Variants in MACF1 observed in about 807,000 individuals in gnomAD.
The protein encoded by MACF1 is microtubule actin crosslinking factor 1, also known as microtubule-actin cross-linking factor 1.
MACF1 carries 193 observed loss-of-function variants against 854.8 expected under a neutral mutation model. That is an observed-to-expected ratio of 0.23 (90% CI 0.20 to 0.25). The LOEUF (loss-of-function observed/expected upper bound fraction) is 0.25. Ranked by LOEUF, MACF1 falls within the 10% of genes least tolerant of loss-of-function variation. The pLI is 1.00. For synonymous variants in MACF1, 3,185 were observed against 3,226.7 expected (o/e 0.99, Z 0.44); for missense variants, 7,722 against 8,929.1 (o/e 0.86, Z 5.45).
At chr1:39,228,092 C>G (rs1425241698) in intron 1 of MACF1, among the ~76,000 whole-genome samples, 2 of 152,138 alleles carry the variant, frequency 1.3e-5, no homozygotes, top group Non-Finnish European at 2.9e-5. Flanking sequence ...GGGTGGATCA[C>G]CTGAGGTCAG....
chr1:39,231,078 G>A (rs984593057), intron 1 of MACF1, 104 bp from the exon 2 acceptor site: 21 of 852,700 alleles, frequency 2.5e-5, no homozygotes, highest in Non-Finnish European at 3.6e-5. Context: ...ACAGTTATGT[G>A]GGTAAGTTGT....
chr1:39,238,744 G>C (rs1041154728), intron 2 of MACF1, among the ~76,000 whole-genome samples: 2 of 152,106 alleles, frequency 1.3e-5, no homozygotes, highest in African/African-American at 2.4e-5. Flanking sequence ...TTAAATCCTT[G>C]GTGATTTTTC....
At position 39,382,015 on chromosome 1, in the gene MACF1, G is replaced by A. The variant is rs962997865; in HGVS notation, c.13711G>A (p.Ala4571Thr). 2 of 1,614,018 alleles carry A rather than the reference G, an allele frequency of 1.2e-6. No individual in the cohort carries two copies. The highest frequency in any genetic ancestry group is 2.7e-5 in the African/African-American group (2 of 74,912). Reference sequence around the variant, plus strand: ...TCGGCAAAGGCAGCTAGAGGAATCTGCAAGTCATCTGGCCTGCTTCCAGGC... The same window carrying A: ...TCGGCAAAGGCAGCTAGAGGAATCTACAAGTCATCTGGCCTGCTTCCAGGC... Reference protein sequence around the residue: ...VARQRQLEESASHLACFQAAE... With the variant: ...VARQRQLEESTSHLACFQAAE... The change falls in exon 56 of 101, where the codon GCA becomes ACA. Residue 4571 changes from alanine (A) to threonine (T), a missense_variant. By Grantham distance (58) the Ala-to-Thr change is moderately conservative. Around this residue, in one of 15 missense-constraint regions of MACF1, gnomAD observed 2,807 missense variants for 3,235.8 expected, o/e 0.87. Coordinates refer to ENST00000564288, the MANE Select transcript of MACF1 (RefSeq NM_001394062.1).
chr1:39,458,180 A>T (rs928178681), intron 89 of MACF1, 190 bp from the exon 90 acceptor site: 2 of 555,204 alleles, frequency 3.6e-6, no homozygotes, highest in South Asian at 5.3e-5. Context: ...TGGAAATCAC[A>T]TTTCAACATG....
At chr1:39,186,218 G>GTGTGTA (rs1553159660) in intron 2 of MACF1, among the ~76,000 whole-genome samples, 1 of 96,430 alleles carries the variant, frequency 1.0e-5, no homozygotes, top group African/African-American at 4.9e-5. Context: ...CTCTCTCTGT[G>GTGTGTA]TGTGTGTGTG....
intron 51 of MACF1, among the ~76,000 whole-genome samples, chr1:39,371,816 C>CTT (rs570266079): frequency 3.4e-4 from 47 of 137,740 alleles, no homozygotes; most frequent in East Asian, 3.1e-3. Context: ...TCTTTCTTTG[C>CTT]TTTTTTTTTT....
At chr1:39,256,388 C>T (rs375162129) in intron 5 of MACF1, among the ~76,000 whole-genome samples, 2 of 151,986 alleles carry the variant, frequency 1.3e-5, no homozygotes, top group East Asian at 3.9e-4. Flanking sequence ...CTACTCCCAC[C>T]GTATAGAAGA....
chr1:39,117,567 T>TGTGTGTAC (rs56166861), intron 2 of MACF1, among the ~76,000 whole-genome samples: 8 of 150,478 alleles, frequency 5.3e-5, no homozygotes, highest in Admixed American at 1.3e-4. Flanking sequence ...TGTGTGTGTG[T>TGTGTGTAC]ACTTGGGTGT....
intron 51 of MACF1, 59 bp from the exon 52 acceptor site, chr1:39,372,420 C>A: frequency 1.1e-6 from 1 of 900,488 alleles, no homozygotes; most frequent in Non-Finnish European, 1.9e-6. Context: ...GAACAGATGT[C>A]CCTACTTATG....
chr1:39,268,951 C>G (rs760130381), intron 6 of MACF1: 2 of 1,286,696 alleles, frequency 1.6e-6, no homozygotes, highest in South Asian at 1.2e-5. Flanking sequence ...CATACCCCCC[C>G]AGATATTTTG....
chr1:39,368,934 A>G (rs1319318087), intron 50 of MACF1, among the ~76,000 whole-genome samples: 1 of 152,138 alleles, frequency 6.6e-6, no homozygotes, highest in Non-Finnish European at 1.5e-5. Flanking sequence ...AATAATTTTG[A>G]AAGAAGAGAA....
Position 39,295,300 on chromosome 1 carries a change from TC to T in MACF1, c.2259+152del. The T allele has an allele frequency of 4.6e-6, 3 of 656,110 alleles. No homozygotes were observed. The South Asian group carries it at 5.8e-5, about 13-fold the overall frequency. The allele number at this position is 656,110 out of a possible 1,614,324, so 40.6% of individuals were successfully genotyped here. ...CTTCTCTCTTTTCATTCCTGACTGT[TC>T]CTATGTCCCTCAAAAGCCTGCAAAC... On this transcript the variant is annotated intron_variant, in intron 19 of 100. Coordinates refer to ENST00000564288, the MANE Select transcript of MACF1 (RefSeq NM_001394062.1).
intron 2 of MACF1, among the ~76,000 whole-genome samples, chr1:39,090,907 T>C (rs1233359358): frequency 6.6e-6 from 1 of 152,198 alleles, no homozygotes; most frequent in Non-Finnish European, 1.5e-5. Flanking sequence ...GGCCTCCTTT[T>C]TCTGGTTGCT....
At chr1:39,477,143 C>CACACACACAA (rs1644922201) in intron 97 of MACF1, among the ~76,000 whole-genome samples, 1 of 146,840 alleles carries the variant, frequency 6.8e-6, no homozygotes, top group East Asian at 2.0e-4. Flanking sequence ...TATACACACA[C>CACACACACAA]ACACACACAC....
intron 40 of MACF1, among the ~76,000 whole-genome samples, chr1:39,345,509 G>T (rs1647024865): frequency 6.6e-6 from 1 of 152,194 alleles, no homozygotes; most frequent in East Asian, 1.9e-4. Flanking sequence ...TACTTGGAAG[G>T]CTGAGGTGAG....
intron 2 of MACF1, among the ~76,000 whole-genome samples, chr1:39,113,988 AT>A (rs1195931349): frequency 2.0e-5 from 3 of 151,606 alleles, no homozygotes; most frequent in Non-Finnish European, 4.4e-5. Context: ...GAGAGCCCAG[AT>A]TGTGCCACTG....
At chr1:39,308,986 A>G (rs1482081397) in intron 23 of MACF1, among the ~76,000 whole-genome samples, 1 of 152,178 alleles carries the variant, frequency 6.6e-6, no homozygotes, top group African/African-American at 2.4e-5. Context: ...TTAAGCTGCT[A>G]TTAATTTCTC....
chr1:39,452,949 A>T, intron 87 of MACF1, 137 bp downstream of exon 87: 5 of 949,708 alleles, frequency 5.3e-6, no homozygotes, highest in Non-Finnish European at 4.6e-6. Context: ...GCCCTAGCTC[A>T]TTGGTTTAGC....
At position 39,125,983 on chromosome 1, in the gene MACF1, ACT is replaced by A. The variant is rs537424808; in HGVS notation, c.220+41548_220+41549del. 1.7e-4 allele frequency among the ~76,000 whole-genome samples: 26 copies of A among 152,332 alleles called. No individual in the cohort carries two copies. In the South Asian group the frequency reaches 4.8e-3, roughly 28 times the overall value. On this transcript the variant is annotated intron_variant, in intron 2 of 93. Coordinates refer to the MACF1 transcript ENST00000361689. Reference sequence around the variant, plus strand: ...ACTCCATCCTGGGCGACAGCGCAAGACTCTGTCTCAAACAAAACAAAGCAAAC... The same window carrying A: ...ACTCCATCCTGGGCGACAGCGCAAGACTGTCTCAAACAAAACAAAGCAAAC...
Sources: allele counts gnomAD v4.1 joint callset (sites outside exome capture counted in the v4.1 genomes callset), GRCh38; gene constraint gnomAD v4.1.1; regional missense constraint gnomAD v4.1.1; transcripts MANE v1.5; gene names NCBI Gene and HGNC (gene_info 2026-07-23, HGNC 2026-07-21).